Variants in ANO4 observed in about 807,000 individuals in gnomAD.
ANO4 encodes the protein anoctamin 4, also known as anoctamin-4.
ANO4 carries 69 observed loss-of-function variants against 141.9 expected under a neutral mutation model. The observed-to-expected ratio is 0.49, with a 90% CI of 0.40 to 0.59. The LOEUF (loss-of-function observed/expected upper bound fraction) is 0.59, where lower values mean the gene tolerates loss of function less well. Among genes scored for constraint, ANO4 ranks in the 20% least tolerant of loss-of-function variants. The pLI is 0.00. For synonymous variants in ANO4, 350 were observed against 394.3 expected, an observed-to-expected ratio of 0.89 and a Z score of 1.33; for missense variants, 894 against 1,162.2, an observed-to-expected ratio of 0.77 and a Z score of 3.36.
intron 1 of ANO4, among the ~76,000 whole-genome samples, chr12:100,814,677 C>A (rs925051611): frequency 1.3e-5 from 2 of 152,020 alleles, no homozygotes; most frequent in East Asian, 3.9e-4. Context: ...ATATCAGTTA[C>A]CTATTTAGAA....
intron 25 of ANO4, 45 bp downstream of exon 25, chr12:101,116,843 C>G (rs369119833): frequency 7.4e-6 from 12 of 1,612,654 alleles, no homozygotes; most frequent in Admixed American, 1.7e-5. Context: ...TGGGCTGGCT[C>G]CACCGTGGGG....
At chr12:101,126,340 A>G (rs915204335) in intron 26 of ANO4, among the ~76,000 whole-genome samples, 1 of 152,186 alleles carries the variant, frequency 6.6e-6, no homozygotes, top group Non-Finnish European at 1.5e-5. Flanking sequence ...TATTTCAAGT[A>G]AAGAATTTGT....
intron 3 of ANO4, among the ~76,000 whole-genome samples, chr12:100,927,828 A>G (rs926740351): frequency 6.6e-6 from 1 of 151,784 alleles, no homozygotes; most frequent in African/African-American, 2.4e-5. Flanking sequence ...CTTGAATGGC[A>G]TCCATACCCT....
intron 14 of ANO4, among the ~76,000 whole-genome samples, chr12:101,058,897 G>T (rs182357295): frequency 2.6e-4 from 39 of 152,190 alleles, no homozygotes. Flanking sequence ...TTTCAATACT[G>T]TGTTGAATAG....
chr12:100,863,931 A>G (rs1160115037), intron 1 of ANO4, among the ~76,000 whole-genome samples: 1 of 152,176 alleles, frequency 6.6e-6, no homozygotes, highest in Non-Finnish European at 1.5e-5. Context: ...AAGTGCCTTG[A>G]GCAAAAGAAA....
Position 101,040,053 on chromosome 12 carries a change from A to G in ANO4, c.996A>G (p.Lys332=). The part of the protein sequence containing the change: ...ECWASWGVWY[K]YQPLDLVRRY... ...GGGCCTCCTGGGGCGTGTGGTATAA[A>G]TACCAACCTTTGGATCTTGTAAGGT... Residue 332 remains lysine (K), a synonymous_variant, in exon 11 of 28, where the codon AAA becomes AAG. Coordinates refer to ENST00000392977, the MANE Select transcript of ANO4 (RefSeq NM_001286615.2). The G allele has an allele frequency of 6.2e-7, 1 of 1,611,704 alleles. No homozygotes were observed. Among genetic ancestry groups the G allele is most frequent in the Non-Finnish European group, 8.5e-7 (1 of 1,178,278 alleles).
intron 8 of ANO4, among the ~76,000 whole-genome samples, chr12:101,006,175 T>C (rs996039794): frequency 6.6e-6 from 1 of 152,214 alleles, no homozygotes; most frequent in Non-Finnish European, 1.5e-5. Context: ...ACTTTACTTA[T>C]GCAACATGCT....
intron 6 of ANO4, among the ~76,000 whole-genome samples, chr12:100,972,986 C>T (rs891805522): frequency 1.3e-5 from 2 of 152,214 alleles, no homozygotes; most frequent in Non-Finnish European, 1.5e-5. Context: ...AATGTGCTGC[C>T]TCCAAGCAGC....
At chr12:100,818,236 T>C (rs1395407089) in intron 1 of ANO4, among the ~76,000 whole-genome samples, 1 of 151,938 alleles carries the variant, frequency 6.6e-6, no homozygotes, top group African/African-American at 2.4e-5. Context: ...GCACAAGTAA[T>C]TCTTGTTAAA....
chr12:101,022,942 T>C (rs2046591282), intron 9 of ANO4, among the ~76,000 whole-genome samples: 2 of 152,172 alleles, frequency 1.3e-5, no homozygotes, highest in Non-Finnish European at 1.5e-5. Flanking sequence ...GGTTTCACTA[T>C]GTTGGCCAGG....
chr12:100,991,791 A>C (rs772557436), intron 8 of ANO4, among the ~76,000 whole-genome samples: 12 of 152,338 alleles, frequency 7.9e-5, no homozygotes, highest in Non-Finnish European at 1.5e-4. Context: ...GATTTTTTAA[A>C]TGAAAAAATA....
At chr12:100,989,521 G>A (rs528867571) in intron 8 of ANO4, among the ~76,000 whole-genome samples, 35 of 151,878 alleles carry the variant, frequency 2.3e-4, no homozygotes, top group African/African-American at 7.5e-4. Context: ...ATGGATGGAT[G>A]GATACATTGA....
intron 1 of ANO4, among the ~76,000 whole-genome samples, chr12:100,897,109 A>G (rs1329353661): frequency 6.6e-6 from 1 of 152,210 alleles, no homozygotes; most frequent in African/African-American, 2.4e-5. Context: ...ACCTCACCTT[A>G]TCCCCCAAGG....
chr12:101,033,175 A>G (rs375894660), intron 9 of ANO4, among the ~76,000 whole-genome samples: 4 of 152,068 alleles, frequency 2.6e-5, no homozygotes, highest in East Asian at 1.9e-4. Context: ...TAGGGACATG[A>G]ATGAAATTGG....
At chr12:100,788,497 A>G (rs1484436077) in intron 3 of ANO4, among the ~76,000 whole-genome samples, 1 of 152,102 alleles carries the variant, frequency 6.6e-6, no homozygotes, top group Non-Finnish European at 1.5e-5. Flanking sequence ...AATCTTTGTT[A>G]ATGGGTGTTA....
chr12:100,987,569 A>G lies in ANO4; in HGVS notation c.633A>G (p.Arg211=). ...ATAAACAAATAAGCAGGTTTCGGAGATGGTTACCTAAGAAGCCAATGAGGC... is the reference window on the plus strand; with the variant it reads ...ATAAACAAATAAGCAGGTTTCGGAGGTGGTTACCTAAGAAGCCAATGAGGC... ...RIDKQISRFR[R]WLPKKPMRLD... is the part of the protein sequence containing the mutation. The change falls in exon 8 of 28, where the codon AGA becomes AGG. Residue 211 remains arginine (R), a synonymous_variant. Coordinates refer to ENST00000392977, the MANE Select transcript of ANO4 (RefSeq NM_001286615.2). 6.2e-7 allele frequency: 1 copy of G among 1,613,946 alleles called. No individual in the cohort carries two copies. Among genetic ancestry groups the G allele is most frequent in the South Asian group, 1.1e-5 (1 of 91,072 alleles).
chr12:101,100,993 T>C (rs1370110580), intron 22 of ANO4, among the ~76,000 whole-genome samples: 1 of 152,214 alleles, frequency 6.6e-6, no homozygotes, highest in Admixed American at 6.5e-5. Context: ...TAAAGTTTTA[T>C]TGGAACACAG....
At chr12:101,077,723 C>T (rs954597322) in intron 14 of ANO4, among the ~76,000 whole-genome samples, 4 of 152,186 alleles carry the variant, frequency 2.6e-5, no homozygotes, top group African/African-American at 9.6e-5. Context: ...CATGAAAAGT[C>T]TCACTAAGAA....
chr12:101,052,076 G>A (rs1037281141), intron 14 of ANO4, among the ~76,000 whole-genome samples: 1 of 152,136 alleles, frequency 6.6e-6, no homozygotes, highest in Non-Finnish European at 1.5e-5. Context: ...CTGAAGGGCT[G>A]GGCTTGACGT....
Sources: allele counts gnomAD v4.1 joint callset (sites outside exome capture counted in the v4.1 genomes callset), GRCh38; gene constraint gnomAD v4.1.1; transcripts MANE v1.5; gene names NCBI Gene and HGNC (gene_info 2026-07-23, HGNC 2026-07-21).